DNAH9: variants seen among roughly 807,000 people sequenced by gnomAD.
The protein encoded by DNAH9 is DNAH9 variant protein.
DNAH9 carries 345 observed loss-of-function variants against 471.6 expected under a neutral mutation model. The observed-to-expected ratio is 0.73, with a 90% CI of 0.67 to 0.80. DNAH9 has a LOEUF of 0.80. Among genes scored for constraint, DNAH9 ranks in the 30% least tolerant of loss-of-function variants. The pLI, the probability that DNAH9 is intolerant of heterozygous loss-of-function variation, is 0.00. For missense variants in DNAH9, 5,407 were observed against 5,609.2 expected (o/e 0.96, Z 1.15); for synonymous variants, 2,093 against 2,123.6 (o/e 0.99, Z 0.40).
chr17:11,902,442 T>C (rs1378112395), intron 59 of DNAH9, among the ~76,000 whole-genome samples: 1 of 152,196 alleles, frequency 6.6e-6, no homozygotes, highest in African/African-American at 2.4e-5. Flanking sequence ...CTTTTCCATG[T>C]ACACACCTAC....
intron 14 of DNAH9, among the ~76,000 whole-genome samples, chr17:11,662,794 C>G (rs1349800715): frequency 9.3e-6 from 1 of 107,488 alleles, no homozygotes; most frequent in African/African-American, 3.6e-5. Context: ...CTCGCTCTGT[C>G]GCCCAGGCTG....
At chr17:11,946,142 G>A (rs1975112886) in intron 67 of DNAH9, among the ~76,000 whole-genome samples, 1 of 145,110 alleles carries the variant, frequency 6.9e-6, no homozygotes, top group African/African-American at 2.6e-5. Flanking sequence ...GGAGGTTGCA[G>A]CGAGCTGAGA....
At chr17:11,736,185 A>G (rs1036208778) in intron 28 of DNAH9, among the ~76,000 whole-genome samples, 1 of 152,132 alleles carries the variant, frequency 6.6e-6, no homozygotes, top group African/African-American at 2.4e-5. Context: ...ATCTGAGACT[A>G]CCTATCTTAG....
chr17:11,692,289 T>C (rs1428755505), intron 20 of DNAH9, among the ~76,000 whole-genome samples: 2 of 152,198 alleles, frequency 1.3e-5, no homozygotes, highest in Non-Finnish European at 2.9e-5. Flanking sequence ...TCCAGAGTCT[T>C]CATTAAAACA....
At chr17:11,661,010 TTTAG>T (rs768920314) in intron 14 of DNAH9, among the ~76,000 whole-genome samples, 4 of 151,952 alleles carry the variant, frequency 2.6e-5, no homozygotes, top group Non-Finnish European at 4.4e-5. Flanking sequence ...CTATTTCAAT[TTTAG>T]TTCTGTTAAA....
intron 45 of DNAH9, among the ~76,000 whole-genome samples, chr17:11,816,903 C>T (rs935940431): frequency 1.3e-5 from 2 of 151,966 alleles, no homozygotes; most frequent in Admixed American, 1.3e-4. Context: ...ACTACAAATA[C>T]AAAAAATTAG....
chr17:11,681,471 C>T lies in DNAH9; in HGVS notation c.3743+582C>T, dbSNP rs574576790. On this transcript the variant is annotated intron_variant, in intron 19 of 68. Transcript: ENST00000262442. ...GGCTCCTTTCTCAGGGATTTCCTCC[C>T]GTGGTGAAGCGGTCTGCTTCTGGTC... 1.3e-4 allele frequency among the ~76,000 whole-genome samples: 20 copies of T among 152,272 alleles called. No individual in the cohort carries two copies. In the South Asian group the frequency reaches 2.9e-3, roughly 22 times the overall value.
At chr17:11,908,330 T>C (rs1470633127) in intron 61 of DNAH9, among the ~76,000 whole-genome samples, 1 of 152,228 alleles carries the variant, frequency 6.6e-6, no homozygotes, top group Non-Finnish European at 1.5e-5. Context: ...AAATAATAAT[T>C]GCACATATCA....
intron 38 of DNAH9, among the ~76,000 whole-genome samples, chr17:11,776,145 T>C (rs1225732914): frequency 1.3e-5 from 2 of 152,278 alleles, no homozygotes; most frequent in East Asian, 3.9e-4. Flanking sequence ...TATGAAACTA[T>C]TTCAGTATGG....
intron 49 of DNAH9, 53 bp from the exon 50 acceptor site, chr17:11,853,949 AG>A: frequency 1.3e-6 from 2 of 1,546,088 alleles, no homozygotes; most frequent in Non-Finnish European, 1.8e-6. Context: ...TCAGTGGCAG[AG>A]GACAAAGAAA....
intron 26 of DNAH9, among the ~76,000 whole-genome samples, chr17:11,709,504 A>G (rs999409742): frequency 3.3e-5 from 5 of 152,202 alleles, no homozygotes; most frequent in African/African-American, 4.8e-5. Context: ...CGAAGAATTA[A>G]TCAAATGGAC....
intron 7 of DNAH9, 44 bp downstream of exon 7, chr17:11,629,628 G>C: frequency 6.3e-7 from 1 of 1,578,532 alleles, no homozygotes; most frequent in East Asian, 2.2e-5. Flanking sequence ...CCTCTGTCCC[G>C]GATGCCTCTC....
At chr17:11,946,199 C>CAAAA (rs34028612) in intron 67 of DNAH9, among the ~76,000 whole-genome samples, 6 of 47,350 alleles carry the variant, frequency 1.3e-4, no homozygotes, top group East Asian at 6.9e-4. Context: ...GAGTCCATCT[C>CAAAA]AAAAAAAAAA....
rs899318050 is a variant in DNAH9 at position 11,932,110 on chromosome 17, G to T, written c.12202G>T (p.Gly4068Trp). The change falls in exon 64 of 69, where the codon GGG becomes TGG. Residue 4068 changes from glycine to tryptophan, a missense_variant. Coordinates refer to ENST00000262442, the MANE Select transcript of DNAH9 (RefSeq NM_001372.4). The surrounding 1 kb of genome is among the most constrained non-coding windows in gnomAD (Gnocchi z 4.3). ...HAVVAERRKF[G>W]PQGWNRSYPF... is the part of the protein sequence containing the mutation. ...GGTGGTGGCAGAAAGACGAAAATTTGGGCCCCAGGGATGGAATCGCTCATA... is the reference window on the plus strand; with the variant it reads ...GGTGGTGGCAGAAAGACGAAAATTTTGGCCCCAGGGATGGAATCGCTCATA... 6.2e-7 allele frequency: 1 copy of T among 1,613,948 alleles called. No individual in the cohort carries two copies. Among genetic ancestry groups the T allele is most frequent in the Admixed American group, 1.7e-5 (1 of 59,986 alleles).
intron 10 of DNAH9, among the ~76,000 whole-genome samples, chr17:11,643,655 T>C (rs2073321717): frequency 6.6e-6 from 1 of 152,178 alleles, no homozygotes; most frequent in Non-Finnish European, 1.5e-5. Context: ...TGGTCTAGCT[T>C]AGCCTAGGAG....
At chr17:11,663,113 T>G (rs2073805670) in intron 14 of DNAH9, among the ~76,000 whole-genome samples, 1 of 152,156 alleles carries the variant, frequency 6.6e-6, no homozygotes, top group African/African-American at 2.4e-5. Context: ...CAGCTCTAAC[T>G]TATGGTGTTT....
chr17:11,915,131 A>G (rs1199394557), intron 61 of DNAH9, among the ~76,000 whole-genome samples: 4 of 152,146 alleles, frequency 2.6e-5, no homozygotes, highest in African/African-American at 9.7e-5. Flanking sequence ...CTCCTAGCTC[A>G]TCTCCACTCT....
intron 28 of DNAH9, among the ~76,000 whole-genome samples, chr17:11,732,827 T>G (rs528197537): frequency 6.6e-6 from 1 of 152,266 alleles, no homozygotes; most frequent in African/African-American, 2.4e-5. Flanking sequence ...CAGGCCTTCC[T>G]GGCACTTTCT....
intron 14 of DNAH9, among the ~76,000 whole-genome samples, chr17:11,661,883 A>C (rs2073771530): frequency 6.6e-6 from 1 of 152,124 alleles, no homozygotes; most frequent in South Asian, 2.1e-4. Context: ...TTTTATATTT[A>C]CTCACATACT....
Sources: allele counts gnomAD v4.1 joint callset (sites outside exome capture counted in the v4.1 genomes callset), GRCh38; gene constraint gnomAD v4.1.1; non-coding constraint Gnocchi (gnomAD v3.1); transcripts MANE v1.5; gene names NCBI Gene and HGNC (gene_info 2026-07-23, HGNC 2026-07-21).